FER1L5: variants seen among roughly 807,000 people sequenced by gnomAD.
The protein encoded by FER1L5 is fer-1 like family member 5, also known as fer-1-like protein 5.
FER1L5 carries 187 observed loss-of-function variants against 279.9 expected under a neutral mutation model. The observed-to-expected ratio is 0.67, with a 90% CI of 0.59 to 0.75. The LOEUF (loss-of-function observed/expected upper bound fraction) is 0.75, where lower values mean the gene tolerates loss of function less well. Among genes scored for constraint, FER1L5 ranks in the 30% least tolerant of loss-of-function variants. FER1L5 has a pLI of 0.00. For missense variants in FER1L5, 2,091 were observed against 2,594.4 expected (o/e 0.81, Z 4.21); for synonymous variants, 921 against 989.7 (o/e 0.93, Z 1.30).
At chr2:96,685,263 T>C (rs1289922911) in intron 20 of FER1L5, 66 bp from the exon 21 acceptor site, 9 of 1,403,032 alleles carry the variant, frequency 6.4e-6, no homozygotes, top group Admixed American at 6.1e-5. Flanking sequence ...CAATCAGCCC[T>C]GTGGCCTGTC....
chr2:96,699,638 A>G lies in FER1L5; in HGVS notation c.4699A>G (p.Ile1567Val). Residue 1567 changes from isoleucine (I) to valine (V), a missense_variant, in exon 43 of 53, where the codon ATA becomes GTA. Coordinates refer to ENST00000624922, the MANE Select transcript of FER1L5 (RefSeq NM_001293083.2). ...CGACCTATTTTCACCTGATGATAAG[A>G]TAGGAACCACAGTCATCGACCTTGA... ...DFDLFSPDDK[I>V]GTTVIDLENR... 6.2e-7 allele frequency: 1 copy of G among 1,614,042 alleles called. No individual in the cohort carries two copies. The highest frequency in any genetic ancestry group is 8.5e-7 in the Non-Finnish European group (1 of 1,179,902).
Position 96,694,000 on chromosome 2 carries a change from T to A in FER1L5, c.3564T>A (p.His1188Gln). 2 of 1,551,286 alleles carry A rather than the reference T, an allele frequency of 1.3e-6. No individual in the cohort carries two copies. Among genetic ancestry groups the A allele is most frequent in the South Asian group, 1.2e-5 (1 of 84,062 alleles). Reference protein sequence around the residue: ...QDRILPPMRWHPLVKELGKEE... With the variant: ...QDRILPPMRWQPLVKELGKEE... Reference sequence around the variant, plus strand: ...GGATCCTGCCCCCCATGAGGTGGCATCCCCTTGTAAAGGAGTTGGGGAAGG... The same window carrying A: ...GGATCCTGCCCCCCATGAGGTGGCAACCCCTTGTAAAGGAGTTGGGGAAGG... Residue 1188 changes from histidine to glutamine, a missense_variant, in exon 33 of 53, where the codon CAT becomes CAA. His to Gln is a conservative substitution (Grantham distance 24). Coordinates refer to ENST00000624922, the MANE Select transcript of FER1L5 (RefSeq NM_001293083.2).
In FER1L5 at chr2:96,698,867, G is replaced by A. The variant is rs773098948; in HGVS notation, c.4518+35G>A. On this transcript the variant is annotated intron_variant, in intron 41 of 52. Coordinates refer to ENST00000624922, the MANE Select transcript of FER1L5 (RefSeq NM_001293083.2). The surrounding 1 kb of genome is among the most constrained non-coding windows in gnomAD (Gnocchi z 5.5). ...AGTACCTGCCCCACACAGGTGCCCCGCACGCTCCCCTCAACCCATCTCTGG... is the reference window on the plus strand; with the variant it reads ...AGTACCTGCCCCACACAGGTGCCCCACACGCTCCCCTCAACCCATCTCTGG... 6.4e-5 allele frequency: 99 copies of A among 1,551,060 alleles called. No homozygotes were observed. Among genetic ancestry groups the A allele is most frequent in the Non-Finnish European group, 7.7e-5 (88 of 1,146,548 alleles).
chr2:96,693,446 G>T, intron 31 of FER1L5, 60 bp from the exon 32 acceptor site: 1 of 1,472,888 alleles, frequency 6.8e-7, no homozygotes, highest in East Asian at 2.5e-5. Flanking sequence ...CAGCAGCAGA[G>T]GAGAGGAAAG....
Position 96,692,184 on chromosome 2 carries a change from AG to A in FER1L5, c.3292+5del, listed in dbSNP as rs2077179545. 1 of 1,551,570 alleles carries A rather than the reference AG, an allele frequency of 6.4e-7. No individual in the cohort carries two copies. The highest frequency in any genetic ancestry group is 1.4e-5 in the African/African-American group (1 of 73,040). On this transcript the variant is annotated splice_donor_region_variant and intron_variant, in intron 31 of 52. Coordinates refer to ENST00000624922, the MANE Select transcript of FER1L5 (RefSeq NM_001293083.2). Reference sequence around the variant, plus strand: ...CAATCAGATCCTGACATTCCAAGGTAGGTGGCAGGCAGCCTTGTCCCCAGCT... The same window carrying A: ...CAATCAGATCCTGACATTCCAAGGTAGTGGCAGGCAGCCTTGTCCCCAGCT...
intron 19 of FER1L5, among the ~76,000 whole-genome samples, chr2:96,677,089 G>A (rs942467509): frequency 2.2e-4 from 33 of 152,224 alleles, no homozygotes; most frequent in African/African-American, 7.5e-4. Flanking sequence ...TCATCCGCTC[G>A]CCTCAGCTTC....
In FER1L5 at chr2:96,702,206, G is replaced by A; in HGVS notation, c.5160-100G>A. 7 of 1,566,594 alleles carry A rather than the reference G, an allele frequency of 4.5e-6. No individual in the cohort carries two copies. The highest frequency in any genetic ancestry group is 6.1e-6 in the Non-Finnish European group (7 of 1,156,322). On this transcript the variant is annotated intron_variant, in intron 46 of 52. Transcript: ENST00000624922. This position sits in a 1 kb window ranked among gnomAD's most constrained non-coding sequence, Gnocchi z 4.0. Reference sequence around the variant, plus strand: ...TCTTCCCCTGAATTCCCCACACTGAGCAAAAACACACAGGGCAGCCTCCCA... The same window carrying A: ...TCTTCCCCTGAATTCCCCACACTGAACAAAAACACACAGGGCAGCCTCCCA...
chr2:96,658,020 C>CTT (rs869186919), intron 9 of FER1L5, among the ~76,000 whole-genome samples: 3 of 141,876 alleles, frequency 2.1e-5, no homozygotes, highest in South Asian at 4.5e-4. Flanking sequence ...GTTTAACTTT[C>CTT]TTTTTTTTTT....
rs538396544 is a variant in FER1L5 at position 96,698,394 on chromosome 2, C to T, written c.4356+238C>T. 2.0e-5 allele frequency among the ~76,000 whole-genome samples: 3 copies of T among 152,278 alleles called. No homozygotes were observed. Among genetic ancestry groups the T allele is most frequent in the South Asian group, 2.1e-4 (1 of 4,824 alleles). ...GCTGCAAAGCCACAGAGAACAAGCC[C>T]GAACCTGAAGGGATAGATGGGGTGG... On this transcript the variant is annotated intron_variant, in intron 40 of 52. Transcript: ENST00000624922. This position sits in a 1 kb window ranked among gnomAD's most constrained non-coding sequence, Gnocchi z 5.5.
chr2:96,659,290 T>TTCCTTCCTTCCCTCC (rs1553449027), intron 9 of FER1L5, among the ~76,000 whole-genome samples: 2 of 80,942 alleles, frequency 2.5e-5, no homozygotes, highest in Admixed American at 1.1e-4. Flanking sequence ...TTTATCAAGC[T>TTCCTTCCTTCCCTCC]TTCCTTCCTT....
chr2:96,690,063 A>C (rs1213106078), intron 26 of FER1L5, among the ~76,000 whole-genome samples: 1 of 152,214 alleles, frequency 6.6e-6, no homozygotes, highest in Admixed American at 6.5e-5. Context: ...CTAACCCAGC[A>C]CTGTCCAGTA....
chr2:96,649,476 G>T, intron 4 of FER1L5, 147 bp from the exon 5 acceptor site: 1 of 682,292 alleles, frequency 1.5e-6, no homozygotes, highest in Non-Finnish European at 2.6e-6. Context: ...CTGTGCAGAT[G>T]CCCATGGTGT....
chr2:96,672,660 ATGTGTGTG>A (rs140636948), intron 18 of FER1L5, among the ~76,000 whole-genome samples: 1 of 148,174 alleles, frequency 6.7e-6, no homozygotes, highest in Admixed American at 6.8e-5. Context: ...GGGAGTATGA[ATGTGTGTG>A]TGTGTGTGTG....
rs150788188 is a variant in FER1L5 at position 96,677,238 on chromosome 2, T to C, written c.1669+3984T>C. 2.5e-3 allele frequency among the ~76,000 whole-genome samples: 388 copies of C among 152,368 alleles called. 3 individuals are homozygous for C. The highest frequency in any genetic ancestry group is 9.0e-3 in the African/African-American group (374 of 41,582). Reference sequence around the variant, plus strand: ...AAAATCTTATTTTGTTAGTAATCTATTTAATGATGTAATTTACATACCACA... The same window carrying C: ...AAAATCTTATTTTGTTAGTAATCTACTTAATGATGTAATTTACATACCACA... On this transcript the variant is annotated intron_variant, in intron 19 of 52. Transcript: ENST00000624922.
chr2:96,647,056 C>T lies in FER1L5; in HGVS notation c.139-8C>T. The T allele has an allele frequency of 3.9e-6, 6 of 1,551,458 alleles. No individual in the cohort carries two copies. In the South Asian group the frequency reaches 7.1e-5, roughly 18 times the overall value. ...GGGAGGATGCTGACCTCTCTATGCCCCCCACAGACCCTAATCTGGCACCTC... is the reference window on the plus strand; with the variant it reads ...GGGAGGATGCTGACCTCTCTATGCCTCCCACAGACCCTAATCTGGCACCTC... On this transcript the variant is annotated splice_polypyrimidine_tract_variant and splice_region_variant and intron_variant, in intron 2 of 52. Coordinates refer to ENST00000624922, the MANE Select transcript of FER1L5 (RefSeq NM_001293083.2).
At chr2:96,660,416 C>T (rs1558857782) in intron 10 of FER1L5, 45 bp downstream of exon 10, 1 of 1,540,030 alleles carries the variant, frequency 6.5e-7, no homozygotes, top group Non-Finnish European at 8.8e-7. Context: ...TGAGAAAAAT[C>T]AGGCCAAGGG....
rs769730419 is a variant in FER1L5 at position 96,698,855 on chromosome 2, C to T, written c.4518+23C>T. 5 of 1,554,566 alleles carry T rather than the reference C, an allele frequency of 3.2e-6. No individual in the cohort carries two copies. The highest frequency in any genetic ancestry group is 4.4e-6 in the Non-Finnish European group (5 of 1,148,828). ...CTGGTAAAGAACAGTACCTGCCCCA[C>T]ACAGGTGCCCCGCACGCTCCCCTCA... On this transcript the variant is annotated intron_variant, in intron 41 of 52. Coordinates refer to ENST00000624922, the MANE Select transcript of FER1L5 (RefSeq NM_001293083.2). This position sits in a 1 kb window ranked among gnomAD's most constrained non-coding sequence, Gnocchi z 5.5.
intron 19 of FER1L5, among the ~76,000 whole-genome samples, chr2:96,678,465 G>A (rs555598842): frequency 2.0e-5 from 3 of 148,804 alleles, no homozygotes; most frequent in African/African-American, 4.9e-5. Flanking sequence ...ACAGGGTCTC[G>A]CTCTGACACC....
At chr2:96,667,304 G>T (rs2076158011) in intron 14 of FER1L5, among the ~76,000 whole-genome samples, 1 of 152,006 alleles carries the variant, frequency 6.6e-6, no homozygotes, top group Non-Finnish European at 1.5e-5. Flanking sequence ...CACAAGCCAG[G>T]GGCAACAGAA....
Sources: gnomAD v4.1 joint callset for allele counts (sites outside exome capture counted in the v4.1 genomes callset) on GRCh38, gnomAD v4.1.1 for gene constraint, Gnocchi (gnomAD v3.1) non-coding constraint, MANE v1.5 for transcripts, NCBI Gene and HGNC (gene_info 2026-07-23, HGNC 2026-07-21) for gene names.